Variants in KTN1 observed in about 807,000 individuals in gnomAD.
The protein encoded by KTN1 is kinectin.
In KTN1, 130 loss-of-function variants were observed where a neutral mutation model predicts 222.5. That is an observed-to-expected ratio of 0.58 (90% CI 0.51 to 0.68). The LOEUF (loss-of-function observed/expected upper bound fraction) is 0.68. Ranked by LOEUF, KTN1 falls within the 30% of genes least tolerant of loss-of-function variation. KTN1 has a pLI of 0.00. For missense variants in KTN1, 1,508 were observed against 1,500.4 expected, an observed-to-expected ratio of 1.01 and a Z score of -0.08; for synonymous variants, 512 against 496.3, an observed-to-expected ratio of 1.03 and a Z score of -0.42.
chr14:55,644,422 G>A, intron 18 of KTN1: 1 of 702,490 alleles, frequency 1.4e-6, no homozygotes, highest in Non-Finnish European at 2.6e-6. Context: ...GGTGTAGGAA[G>A]CAGAAAGACA....
At chr14:55,634,102 C>G (rs1594978842) in intron 8 of KTN1, among the ~76,000 whole-genome samples, 1 of 152,032 alleles carries the variant, frequency 6.6e-6, no homozygotes, top group African/African-American at 2.4e-5. Flanking sequence ...CCACTGTACT[C>G]CAGCCTGGGT....
intron 1 of KTN1, among the ~76,000 whole-genome samples, chr14:55,609,354 A>G (rs2037208274): frequency 1.3e-5 from 2 of 152,168 alleles, no homozygotes; most frequent in Non-Finnish European, 2.9e-5. Flanking sequence ...GGCTGCAGCA[A>G]ACATTTTCTT....
chr14:55,645,534 T>C (rs1219372483), intron 18 of KTN1, among the ~76,000 whole-genome samples: 1 of 152,234 alleles, frequency 6.6e-6, no homozygotes. Context: ...AATAGTGTTA[T>C]GTCTTTTTGT....
chr14:55,661,697 T>G, intron 32 of KTN1, 85 bp downstream of exon 32: 1 of 668,896 alleles, frequency 1.5e-6, no homozygotes, highest in Non-Finnish European at 2.5e-6. Flanking sequence ...TTAAATCTAC[T>G]TTTACTTTAG....
At chr14:55,660,990 A>C (rs1339444302) in intron 31 of KTN1, among the ~76,000 whole-genome samples, 1 of 152,142 alleles carries the variant, frequency 6.6e-6, no homozygotes, top group Non-Finnish European at 1.5e-5. Context: ...AATCTTTGCC[A>C]TTGCCTTCTG....
At chr14:55,621,150 A>G (rs1050366314) in intron 5 of KTN1, among the ~76,000 whole-genome samples, 1 of 151,996 alleles carries the variant, frequency 6.6e-6, no homozygotes, top group South Asian at 2.1e-4. Context: ...CCATTTCCCA[A>G]CATGTTCCTC....
chr14:55,640,332 A>T (rs760982804), intron 14 of KTN1, 42 bp from the exon 15 acceptor site: 2 of 1,265,250 alleles, frequency 1.6e-6, no homozygotes, highest in Non-Finnish European at 2.3e-6. Context: ...CTTTAAAATC[A>T]GTTGTATTAA....
chr14:55,654,936 C>T (rs117903079), intron 28 of KTN1, among the ~76,000 whole-genome samples: 30 of 152,174 alleles, frequency 2.0e-4, no homozygotes, highest in East Asian at 1.7e-3. Context: ...TCCAGAATAT[C>T]GTAGTTGAAA....
intron 6 of KTN1, among the ~76,000 whole-genome samples, 181 bp downstream of exon 6, chr14:55,628,209 A>G (rs1426212130): frequency 6.6e-6 from 1 of 152,204 alleles, no homozygotes; most frequent in African/African-American, 2.4e-5. Flanking sequence ...ATTATAGCCT[A>G]TAGTTGAATT....
intron 1 of KTN1, among the ~76,000 whole-genome samples, chr14:55,590,203 T>C (rs1402242625): frequency 6.6e-6 from 1 of 152,208 alleles, no homozygotes; most frequent in East Asian, 1.9e-4. Flanking sequence ...TTGTTTGTTT[T>C]GATTTACATT....
At chr14:55,582,700 T>C (rs909224010) in intron 1 of KTN1, among the ~76,000 whole-genome samples, 1 of 152,336 alleles carries the variant, frequency 6.6e-6, no homozygotes, top group Middle Eastern at 3.4e-3. Flanking sequence ...TCCAATACTT[T>C]GTTAAAATAT....
chr14:55,646,464 CCTTTCCTTTCCTTTCCTTTCCTTTCCTTT>C (rs2042321026), intron 18 of KTN1, among the ~76,000 whole-genome samples: 16 of 23,430 alleles, frequency 6.8e-4, no homozygotes, highest in Middle Eastern at 0.017. Context: ...TTTTCCTTTT[CCTTTCCTTTCCTTTCCTTTCCTTTCCTTT>C]CCTTTCCTTT....
intron 23 of KTN1, 34 bp from the exon 24 acceptor site, chr14:55,650,535 A>T: frequency 6.4e-7 from 1 of 1,567,268 alleles, no homozygotes; most frequent in Non-Finnish European, 8.8e-7. Context: ...CTGTGTTTCC[A>T]TTGTCCAATC....
At chr14:55,637,677 AAAAG>A (rs2041297324) in intron 11 of KTN1, 98 bp from the exon 12 acceptor site, 2 of 845,606 alleles carry the variant, frequency 2.4e-6, no homozygotes, top group Admixed American at 2.4e-5. Context: ...TTAAAAAAAA[AAAAG>A]AAAAAGATAA....
At chr14:55,667,352 T>A (rs984948237) in intron 34 of KTN1, 22 bp downstream of exon 34, 2 of 1,360,270 alleles carry the variant, frequency 1.5e-6, no homozygotes, top group Non-Finnish European at 2.1e-6. Flanking sequence ...TTATTATTTT[T>A]TTAACATGAT....
intron 25 of KTN1, among the ~76,000 whole-genome samples, chr14:55,652,401 T>G (rs1003354326): frequency 1.4e-5 from 2 of 138,352 alleles, no homozygotes; most frequent in African/African-American, 6.0e-5. Context: ...GCCTTTTTTT[T>G]TTTTTTTTTT....
At chr14:55,637,937 A>G (rs757267220) in intron 12 of KTN1, 90 bp downstream of exon 12, 285 of 906,172 alleles carry the variant, frequency 3.1e-4, no homozygotes, top group Non-Finnish European at 4.6e-4. Flanking sequence ...TTACTGGATT[A>G]ATAGCTGGGA....
intron 1 of KTN1, among the ~76,000 whole-genome samples, chr14:55,581,112 G>A (rs1372412377): frequency 3.3e-5 from 5 of 152,246 alleles, no homozygotes; most frequent in Admixed American, 1.3e-4. Flanking sequence ...TTTGGCCTTG[G>A]GGACCTCGCC....
chr14:55,618,851 T>C (rs2038752450), intron 4 of KTN1, among the ~76,000 whole-genome samples: 1 of 152,216 alleles, frequency 6.6e-6, no homozygotes, highest in Admixed American at 6.5e-5. Flanking sequence ...ATTATTAAAG[T>C]TCATTGAGAT....
Sources: allele counts gnomAD v4.1 joint callset (sites outside exome capture counted in the v4.1 genomes callset), GRCh38; gene constraint gnomAD v4.1.1; transcripts MANE v1.5; gene names NCBI Gene and HGNC (gene_info 2026-07-23, HGNC 2026-07-21).